The following RPS6KA2 variants were observed in gnomAD, a reference collection of about 807,000 sequenced individuals.
RPS6KA2 encodes the protein ribosomal protein S6 kinase A2.
Under a neutral mutation model 91.8 loss-of-function variants are expected in RPS6KA2, and 42 were observed. The ratio of observed to expected loss-of-function variants is 0.46; its 90% CI spans 0.36 to 0.59. RPS6KA2 has a LOEUF of 0.59. Ranked by LOEUF, RPS6KA2 falls within the 20% of genes least tolerant of loss-of-function variation. The probability of loss-of-function intolerance (pLI) is 0.00; values close to 1 mark genes in which losing one functional copy is unlikely to be tolerated. For missense variants in RPS6KA2, 798 were observed against 978.5 expected (o/e 0.82, Z 2.46); for synonymous variants, 414 against 393.6 (o/e 1.05, Z -0.61).
At chr6:166,539,268 C>T (rs1412540537) in intron 1 of RPS6KA2, among the ~76,000 whole-genome samples, 1 of 152,152 alleles carries the variant, frequency 6.6e-6, no homozygotes, top group Non-Finnish European at 1.5e-5. Flanking sequence ...ATTGTGTGCA[C>T]CCTGTGGGCC....
At chr6:166,674,246 A>T (rs1788558645) in intron 2 of RPS6KA2, among the ~76,000 whole-genome samples, 1 of 152,274 alleles carries the variant, frequency 6.6e-6, no homozygotes, top group South Asian at 2.1e-4. Flanking sequence ...TTGTGGGAAC[A>T]GGAAACCTCT....
intron 1 of RPS6KA2, among the ~76,000 whole-genome samples, chr6:166,594,810 G>A (rs1411339149): frequency 1.3e-5 from 2 of 152,196 alleles, no homozygotes; most frequent in Admixed American, 1.3e-4. Context: ...CACTTTCATA[G>A]TGCTTTTCTG....
intron 2 of RPS6KA2, among the ~76,000 whole-genome samples, chr6:166,680,304 G>A (rs146283061): frequency 1.3e-5 from 2 of 152,182 alleles, no homozygotes; most frequent in East Asian, 3.9e-4. Context: ...TGACCAATCA[G>A]CTCTCTGTAA....
chr6:166,723,051 C>T (rs536565144), intron 2 of RPS6KA2, among the ~76,000 whole-genome samples: 53 of 152,294 alleles, frequency 3.5e-4, no homozygotes, highest in African/African-American at 1.2e-3. Flanking sequence ...GTGGAGACTA[C>T]AGTAAAAGAG....
At chr6:166,535,892 C>T (rs902402384) in intron 2 of RPS6KA2, among the ~76,000 whole-genome samples, 7 of 152,252 alleles carry the variant, frequency 4.6e-5, no homozygotes, top group African/African-American at 7.2e-5. Flanking sequence ...AGCTCATAGA[C>T]GCTTCCCGCT....
chr6:166,439,562 C>T (rs12216172), intron 14 of RPS6KA2, among the ~76,000 whole-genome samples: 66,306 of 152,100 alleles, frequency 0.44, 16,636 homozygotes, highest in Non-Finnish European at 0.57. Context: ...AAAGCAAAGC[C>T]TTTGTTGCCC....
chr6:166,519,103 A>T (rs1782758663), intron 3 of RPS6KA2, among the ~76,000 whole-genome samples: 2 of 152,274 alleles, frequency 1.3e-5, no homozygotes, highest in African/African-American at 4.8e-5. Context: ...GATGCTGAGT[A>T]CGTTCAAGCC....
rs564956446 is a variant in RPS6KA2 at position 166,530,449 on chromosome 6, C to A, written c.298+783G>T. 1.3e-4 allele frequency among the ~76,000 whole-genome samples: 20 copies of A among 152,382 alleles called. No individual in the cohort carries two copies. The East Asian group carries it at 2.9e-3, about 22-fold the overall frequency. On this transcript the variant is annotated intron_variant, in intron 3 of 20. Transcript: ENST00000265678. ...TCCTAGGAAGCCTGCCTCTCACCGT[C>A]TCGGCACCTAAGTGCTGCCCCCGTG...
At chr6:166,551,673 G>T (rs921354014) in intron 1 of RPS6KA2, among the ~76,000 whole-genome samples, 2 of 151,974 alleles carry the variant, frequency 1.3e-5, no homozygotes, top group African/African-American at 4.8e-5. Context: ...CATTCTAAAA[G>T]ATTATGAAGC....
intron 2 of RPS6KA2, among the ~76,000 whole-genome samples, chr6:166,708,897 A>G (rs374500418): frequency 7.5e-4 from 114 of 152,236 alleles, no homozygotes; most frequent in African/African-American, 2.6e-3. Context: ...TTGTACCACA[A>G]ATTGCAATGT....
chr6:166,740,672 C>T (rs1198974428), intron 2 of RPS6KA2, among the ~76,000 whole-genome samples: 1 of 152,212 alleles, frequency 6.6e-6, no homozygotes. Flanking sequence ...AAGATGTTTG[C>T]AGCATTTGTG....
rs563925845 is a variant in RPS6KA2, at chr6:166,506,062, C to T, written c.460-1450G>A. Among the ~76,000 whole-genome samples, 19 of 152,188 alleles carry T rather than the reference C, an allele frequency of 1.2e-4. No homozygotes were observed. The South Asian group carries it at 1.5e-3, about 12-fold the overall frequency. On this transcript the variant is annotated intron_variant, in intron 5 of 20. Transcript: ENST00000265678. Reference sequence around the variant, plus strand: ...GAGTTCTGCAGGTTCACCGGCACAGCGATGGTCCCCGTAAGATGCTGGACC... The same window carrying T: ...GAGTTCTGCAGGTTCACCGGCACAGTGATGGTCCCCGTAAGATGCTGGACC...
At chr6:166,774,437 A>C (rs1778560659) in intron 2 of RPS6KA2, among the ~76,000 whole-genome samples, 1 of 152,254 alleles carries the variant, frequency 6.6e-6, no homozygotes, top group Non-Finnish European at 1.5e-5. Context: ...GTCTTTACCC[A>C]GCGAGCGTCC....
intron 12 of RPS6KA2, among the ~76,000 whole-genome samples, chr6:166,456,098 T>C (rs1747285449): frequency 6.6e-6 from 1 of 152,212 alleles, no homozygotes; most frequent in Non-Finnish European, 1.5e-5. Context: ...CAATAAGCAA[T>C]GTCTTCTAAC....
intron 2 of RPS6KA2, among the ~76,000 whole-genome samples, chr6:166,738,013 C>T (rs1429870381): frequency 6.6e-6 from 1 of 152,096 alleles, no homozygotes; most frequent in African/African-American, 2.4e-5. Flanking sequence ...GCATTCATAC[C>T]ATATTGTATT....
At chr6:166,565,084 C>T (rs1178234526) in intron 1 of RPS6KA2, among the ~76,000 whole-genome samples, 2 of 152,136 alleles carry the variant, frequency 1.3e-5, no homozygotes, top group African/African-American at 2.4e-5. Flanking sequence ...GATGGCTGGG[C>T]TGAAAGTCAC....
chr6:166,601,250 C>T (rs1042689156), intron 1 of RPS6KA2, among the ~76,000 whole-genome samples: 5 of 152,220 alleles, frequency 3.3e-5, no homozygotes, highest in African/African-American at 1.2e-4. Flanking sequence ...ACAAAATGCT[C>T]TTAAATCCAA....
At chr6:166,509,823 G>C (rs1782400691) in intron 4 of RPS6KA2, among the ~76,000 whole-genome samples, 1 of 152,194 alleles carries the variant, frequency 6.6e-6, no homozygotes, top group African/African-American at 2.4e-5. Flanking sequence ...AAAATAATAA[G>C]CTACCTTGAA....
At chr6:166,502,342 T>C (rs2128478878) in intron 6 of RPS6KA2, among the ~76,000 whole-genome samples, 1 of 152,366 alleles carries the variant, frequency 6.6e-6, no homozygotes, top group South Asian at 2.1e-4. Flanking sequence ...GGCAAATCTT[T>C]TCATCTTTGC....
Sources: gnomAD v4.1 joint callset for allele counts (sites outside exome capture counted in the v4.1 genomes callset) on GRCh38, gnomAD v4.1.1 for gene constraint, MANE v1.5 for transcripts, NCBI Gene and HGNC (gene_info 2026-07-23, HGNC 2026-07-21) for gene names.